CHML: variants seen among roughly 807,000 people sequenced by gnomAD.
CHML encodes rab proteins geranylgeranyltransferase component A 2.
A neutral mutation model predicts 30.4 loss-of-function variants in CHML; 20 were observed. The observed-to-expected ratio is 0.66, with a 90% confidence interval of 0.46 to 0.95. CHML has a LOEUF of 0.95. Among genes scored for constraint, CHML ranks in the 40% least tolerant of loss-of-function variants. The pLI, the probability that CHML is intolerant of heterozygous loss-of-function variation, is 0.00. For missense variants in CHML, 795 were observed against 768.5 expected (o/e 1.03, Z -0.41); for synonymous variants, 281 against 275.0 (o/e 1.02, Z -0.22).
intron 1 of CHML, among the ~76,000 whole-genome samples, chr1:241,636,993 G>C (rs557562600): frequency 6.6e-6 from 1 of 152,088 alleles, no homozygotes; most frequent in African/African-American, 2.4e-5. Context: ...TGTTAACTTT[G>C]AGCATAATGC....
Position 241,635,168 on chromosome 1 carries a change from T to C in CHML, c.599A>G (p.Glu200Gly). The C allele has an allele frequency of 6.2e-7, 1 of 1,613,046 alleles. No individual in the cohort carries two copies. The highest frequency in any genetic ancestry group is 8.5e-7 in the Non-Finnish European group (1 of 1,179,934). Residue 200 changes from glutamate (E) to glycine (G), a missense_variant, in exon 2 of 2, where the codon GAA becomes GGA. Transcript: ENST00000366553. ...CTTATCTTCTACTGTAGATTTGCTT[T>C]CATCTTTATCTCCATCTTTATCTGA... ...TVSDKDGDKD[E>G]SKSTVEDKAD...
chr1:241,634,647 G>T lies in CHML; in HGVS notation c.1120C>A (p.Pro374Thr), dbSNP rs1274630046. Residue 374 changes from proline (P) to threonine (T), a missense_variant, in exon 2 of 2, where the codon CCC (proline) becomes ACC (threonine). By Grantham distance (38) the Pro-to-Thr change is conservative (BLOSUM62 -1). Transcript: ENST00000366553. ...LQCLGRFGNTPFLFPLYGQGE... is the reference protein window; with the variant it reads ...LQCLGRFGNTTFLFPLYGQGE... ...TGGCCATACAAGGGAAATAAAAAGG[G>T]GGTGTTGCCAAACCGTCCGAGACAC... The T allele has an allele frequency of 6.2e-7, 1 of 1,613,916 alleles. No individual in the cohort carries two copies. The highest frequency in any genetic ancestry group is 8.5e-7 in the Non-Finnish European group (1 of 1,179,890).
rs1371512192 is a variant in CHML at position 241,629,458 on chromosome 1, T to TTTA, written c.*4335_*4337dup. Reference sequence around the variant, plus strand: ...CCATTCAAATTGATTTTTTATATCATTTATACACGATCGCTTTATAAATTT... The same window carrying TTTA: ...CCATTCAAATTGATTTTTTATATCATTTATTATACACGATCGCTTTATAAATTT... On this transcript the variant is annotated 3_prime_UTR_variant, in exon 2 of 2. Coordinates refer to ENST00000366553, the MANE Select transcript of CHML (RefSeq NM_001381853.1). 1 of 152,178 alleles carries TTTA rather than the reference T, an allele frequency of 6.6e-6. No homozygotes were observed. Among genetic ancestry groups the TTTA allele is most frequent in the African/African-American group, 2.4e-5 (1 of 41,468 alleles). The allele number at this position is 152,178 out of a possible 1,614,324, so 9.4% of individuals were successfully genotyped here.
chr1:241,634,616 T>A lies in CHML; in HGVS notation c.1151A>T (p.Glu384Val), dbSNP rs749456584. 5 of 1,613,870 alleles carry A rather than the reference T, an allele frequency of 3.1e-6. No individual in the cohort carries two copies. The highest frequency in any genetic ancestry group is 2.5e-6 in the Non-Finnish European group (3 of 1,179,886). ...PFLFPLYGQGEIPQGFCRMCA... is the reference protein window; with the variant it reads ...PFLFPLYGQGVIPQGFCRMCA... ...CATCCTACAGAAACCCTGGGGAATTTCTCCTTGGCCATACAAGGGAAATAA... is the reference window on the plus strand; with the variant it reads ...CATCCTACAGAAACCCTGGGGAATTACTCCTTGGCCATACAAGGGAAATAA... The change falls in exon 2 of 2, where the codon GAA (glutamate) becomes GTA (valine). Residue 384 changes from glutamate (E) to valine (V), a missense_variant. Physicochemically the swap from Glu to Val is moderately radical, Grantham distance 121 (BLOSUM62 -2). Transcript: ENST00000366553.
Position 241,631,153 on chromosome 1 carries a change from T to A in CHML, c.*2643A>T, listed in dbSNP as rs1005989826. The A allele has an allele frequency of 6.6e-6, 1 of 152,142 alleles. No individual in the cohort carries two copies. Among genetic ancestry groups the A allele is most frequent in the South Asian group, 2.1e-4 (1 of 4,832 alleles). The allele number at this position is 152,142 out of a possible 1,614,324, so 9.4% of individuals were successfully genotyped here. ...ATACTGGGTTACAATATCCCCTAAA[T>A]TTTTAAATGCTTTTTATTGGTATAA... is the stretch of plus-strand genomic sequence containing the variant. On this transcript the variant is annotated 3_prime_UTR_variant, in exon 2 of 2. Transcript: ENST00000366553.
In CHML at chr1:241,629,038, TCTCA is replaced by T. The variant is rs1664512093; in HGVS notation, c.*4754_*4757del. On this transcript the variant is annotated 3_prime_UTR_variant, in exon 2 of 2. Coordinates refer to ENST00000366553, the MANE Select transcript of CHML (RefSeq NM_001381853.1). ...TTATGTTCTTATTAACATTTTTGAATCTCACTTTTTTGCATACAATTTGACATAT... is the reference window on the plus strand; with the variant it reads ...TTATGTTCTTATTAACATTTTTGAATCTTTTTTGCATACAATTTGACATAT... The T allele has an allele frequency of 3.3e-5, 5 of 152,618 alleles. No homozygotes were observed. Among genetic ancestry groups the T allele is most frequent in the African/African-American group, 1.2e-4 (5 of 41,442 alleles). 9.5% of individuals were successfully genotyped at this position (152,618 alleles called of 1,614,324 possible). A position where few individuals can be genotyped will look rare whatever the true frequency, so the allele number is the denominator to read the frequency against.
chr1:241,635,322 T>A lies in CHML; in HGVS notation c.445A>T (p.Asn149Tyr). 2.5e-6 allele frequency: 4 copies of A among 1,614,024 alleles called. No individual in the cohort carries two copies. Among genetic ancestry groups the A allele is most frequent in the Non-Finnish European group, 3.4e-6 (4 of 1,179,936 alleles). ...LPEESQLSYF[N>Y]SDEMPAKHTQ... ...TGTTTTGCAGGCATTTCGTCGCTAT[T>A]AAAATACGATAACTGGCTTTCTTCA... The change falls in exon 2 of 2, where the codon AAT (asparagine) becomes TAT (tyrosine). Residue 149 changes from asparagine (N) to tyrosine (Y), a missense_variant. By Grantham distance (143) the Asn-to-Tyr change is moderately radical. Transcript: ENST00000366553.
chr1:241,640,201 G>C lies in CHML; in HGVS notation c.-627C>G. The C allele has an allele frequency of 7.3e-7, 1 of 1,366,696 alleles. No individual in the cohort carries two copies. The highest frequency in any genetic ancestry group is 9.4e-7 in the Non-Finnish European group (1 of 1,066,682). 84.7% of individuals were successfully genotyped at this position (1,366,696 alleles called of 1,614,324 possible). A position where few individuals can be genotyped will look rare whatever the true frequency, so the allele number is the denominator to read the frequency against. ...CCGGCGCCGGCCCCTCAGCGCCCGC[G>C]GCCCCGCCGCCGTCCCAGTAGCCGT... On this transcript the variant is annotated 5_prime_UTR_variant, in exon 1 of 2. Transcript: ENST00000366553.
rs1664615253 is a variant in CHML, at chr1:241,631,046, T to C, written c.*2750A>G. ...ATTTGAAGCATACTGTCCTTCATGATACATGGATAGACATTATTTAAACAT... is the reference window on the plus strand; with the variant it reads ...ATTTGAAGCATACTGTCCTTCATGACACATGGATAGACATTATTTAAACAT... On this transcript the variant is annotated 3_prime_UTR_variant, in exon 2 of 2. Coordinates refer to ENST00000366553, the MANE Select transcript of CHML (RefSeq NM_001381853.1). The C allele has an allele frequency of 6.6e-6, 1 of 152,054 alleles. No individual in the cohort carries two copies. The highest frequency in any genetic ancestry group is 2.4e-5 in the African/African-American group (1 of 41,342). 9.4% of individuals were successfully genotyped at this position (152,054 alleles called of 1,614,324 possible).
At position 241,635,726 on chromosome 1, in the gene CHML, A is replaced by G. The variant is rs1178864705; in HGVS notation, c.41T>C (p.Ile14Thr). ...NLPTEFDVVI[I>T]GTGLPESILA... ...GATGGATTCGGGCAAACCTGTCCCT[A>G]TTATAACCACATCAAACTCTGTGGG... The change falls in exon 2 of 2, where the codon ATA (isoleucine) becomes ACA (threonine). Residue 14 changes from isoleucine to threonine, a missense_variant. Physicochemically the swap from Ile to Thr is moderately conservative, Grantham distance 89. Coordinates refer to ENST00000366553, the MANE Select transcript of CHML (RefSeq NM_001381853.1). 6.2e-7 allele frequency: 1 copy of G among 1,613,710 alleles called. No individual in the cohort carries two copies. Among genetic ancestry groups the G allele is most frequent in the Non-Finnish European group, 8.5e-7 (1 of 1,179,764 alleles).
rs749652365 is a variant in CHML, at chr1:241,633,982, T to A, written c.1785A>T (p.Thr595=). The change falls in exon 2 of 2, where the codon ACA becomes ACT. Residue 595 remains threonine (T), a synonymous_variant. Transcript: ENST00000366553. ...GNEHAVKQAE[T]LFQEIFPTEE... is the part of the protein sequence containing the mutation. ...CAGTTGGAAAGATCTCCTGGAAAAG[T>A]GTTTCAGCTTGCTTGACAGCATGCT... The A allele has an allele frequency of 1.2e-6, 2 of 1,613,926 alleles. No homozygotes were observed. Among genetic ancestry groups the A allele is most frequent in the Non-Finnish European group, 1.7e-6 (2 of 1,179,884 alleles).
Position 241,635,902 on chromosome 1 carries a change from T to C in CHML, c.-136A>G. 1 of 797,982 alleles carries C rather than the reference T, an allele frequency of 1.3e-6. No individual in the cohort carries two copies. Among genetic ancestry groups the C allele is most frequent in the South Asian group, 2.0e-5 (1 of 50,374 alleles). 49.4% of individuals were successfully genotyped at this position (797,982 alleles called of 1,614,324 possible). A position where few individuals can be genotyped will look rare whatever the true frequency, so the allele number is the denominator to read the frequency against. On this transcript the variant is annotated 5_prime_UTR_variant, in exon 2 of 2. It removes the in-frame stop codon of an upstream open reading frame in the 5' UTR. Transcript: ENST00000366553. ...GTTGCAGGTCCTAGCTGTTTAACGG[T>C]TACCCTTTTAAAATATTTTTTTTCT...
chr1:241,634,179 A>C lies in CHML; in HGVS notation c.1588T>G (p.Phe530Val). 6.2e-7 allele frequency: 1 copy of C among 1,613,990 alleles called. No individual in the cohort carries two copies. Among genetic ancestry groups the C allele is most frequent in the East Asian group, 2.2e-5 (1 of 44,884 alleles). Residue 530 changes from phenylalanine to valine, a missense_variant, in exon 2 of 2, where the codon TTC becomes GTC. By Grantham distance (50) the Phe-to-Val change is conservative. Coordinates refer to ENST00000366553, the MANE Select transcript of CHML (RefSeq NM_001381853.1). The part of the protein sequence containing the change: ...EDLESVVKKL[F>V]TPYTETEINE... The stretch of plus-strand genomic sequence containing the variant: ...ATTTCTGTTTCAGTATACGGAGTGA[A>C]TAATTTCTTCACCACTGATTCTAAG...
At chr1:241,639,196 G>C (rs536442350) in intron 1 of CHML, 1 of 152,190 alleles carries the variant, frequency 6.6e-6, no homozygotes, top group Non-Finnish European at 1.5e-5. Context: ...AGATGGTATT[G>C]GCTGAGCCAT....
chr1:241,636,457 G>A (rs1023086599), intron 1 of CHML, among the ~76,000 whole-genome samples: 4 of 152,196 alleles, frequency 2.6e-5, no homozygotes, highest in African/African-American at 7.2e-5. Context: ...TATAAACTAT[G>A]TGCATACTGC....
At chr1:241,639,171 G>A (rs1377868230) in intron 1 of CHML, 1 of 152,172 alleles carries the variant, frequency 6.6e-6, no homozygotes, top group Non-Finnish European at 1.5e-5. Flanking sequence ...GCTAATTACA[G>A]TATTTGTTCA....
chr1:241,630,847 G>C lies in CHML; in HGVS notation c.*2949C>G, dbSNP rs1335857658. ...TTTGGATTTTACTATTTGTTCTTTT[G>C]ATGCTGATTTAATGGCTGTTCTGCT... On this transcript the variant is annotated 3_prime_UTR_variant, in exon 2 of 2. Coordinates refer to ENST00000366553, the MANE Select transcript of CHML (RefSeq NM_001381853.1). The C allele has an allele frequency of 1.3e-5, 2 of 152,038 alleles. No individual in the cohort carries two copies. The highest frequency in any genetic ancestry group is 4.8e-5 in the African/African-American group (2 of 41,418). 9.4% of individuals were successfully genotyped at this position (152,038 alleles called of 1,614,324 possible).
At position 241,635,552 on chromosome 1, in the gene CHML, C is replaced by T. The variant is rs1253592275; in HGVS notation, c.215G>A (p.Ser72Asn). Residue 72 changes from serine to asparagine, a missense_variant, in exon 2 of 2, where the codon AGT becomes AAT. Physicochemically the swap from Ser to Asn is conservative, Grantham distance 46 (BLOSUM62 1). Transcript: ENST00000366553. ...GATCAGGTCCTGCCATACAACAGTA[C>T]TTTCTTCCCCAATGTCATTGTTTTG... ...YQQNNDIGEESTVVWQDLIHE... is the reference protein window; with the variant it reads ...YQQNNDIGEENTVVWQDLIHE... 1 of 1,614,060 alleles carries T rather than the reference C, an allele frequency of 6.2e-7. No homozygotes were observed. Among genetic ancestry groups the T allele is most frequent in the Middle Eastern group, 1.6e-4 (1 of 6,062 alleles).
Position 241,635,375 on chromosome 1 carries a change from A to C in CHML, c.392T>G (p.Phe131Cys). 6.2e-7 allele frequency: 1 copy of C among 1,614,066 alleles called. No homozygotes were observed. Among genetic ancestry groups the C allele is most frequent in the East Asian group, 2.2e-5 (1 of 44,890 alleles). ...KNPSLGVSNT[F>C]TEVLDSALPE... ...TAATGCAGAATCCAGAACTTCAGTGAAGGTATTAGACACCCCCAAAGAAGG... is the reference window on the plus strand; with the variant it reads ...TAATGCAGAATCCAGAACTTCAGTGCAGGTATTAGACACCCCCAAAGAAGG... Residue 131 changes from phenylalanine to cysteine, a missense_variant, in exon 2 of 2, where the codon TTC becomes TGC. By Grantham distance (205) the Phe-to-Cys change is radical (BLOSUM62 -2). Coordinates refer to ENST00000366553, the MANE Select transcript of CHML (RefSeq NM_001381853.1).
Sources: allele counts gnomAD v4.1 joint callset (sites outside exome capture counted in the v4.1 genomes callset), GRCh38; gene constraint gnomAD v4.1.1; transcripts MANE v1.5; gene names NCBI Gene and HGNC (gene_info 2026-07-23, HGNC 2026-07-21).